Variants in IL3RA observed in about 807,000 individuals in gnomAD.
IL3RA encodes the protein interleukin-3 receptor subunit alpha.
IL3RA carries 73 observed loss-of-function variants against 52.3 expected under a neutral mutation model. The observed-to-expected ratio is 1.40, with a 90% CI of 1.16 to 1.70. The LOEUF (loss-of-function observed/expected upper bound fraction) is 1.70. Among genes scored for constraint, IL3RA ranks in the 40% most tolerant of loss-of-function variants. The pLI is 0.00. For missense variants in IL3RA, 664 were observed against 504.4 expected, an observed-to-expected ratio of 1.32 and a Z score of -3.03; for synonymous variants, 260 against 194.0, an observed-to-expected ratio of 1.34 and a Z score of -2.83.
rs1425171043 is a variant in IL3RA at position 1,367,758 on chromosome X, G to A, written c.874+2506G>A. On this transcript the variant is annotated intron_variant, in intron 9 of 11. Transcript: ENST00000331035. ...GAGCGGGGTGCGCGGGGTGAGCGGGGTGCGCCGGGTGAGCGGGGTGCGCGG... is the reference window on the plus strand; with the variant it reads ...GAGCGGGGTGCGCGGGGTGAGCGGGATGCGCCGGGTGAGCGGGGTGCGCGG... Among the ~76,000 whole-genome samples, 5 of 138,320 alleles carry A rather than the reference G, an allele frequency of 3.6e-5. No individual in the cohort carries two copies. In the East Asian group the frequency reaches 1.1e-3, roughly 31 times the overall value. 90.7% of individuals were successfully genotyped at this position (138,320 alleles called of 152,430 possible).
At chrX:1,378,629 G>C (rs747124142) in intron 9 of IL3RA, 30 bp from the exon 10 acceptor site, 1 of 1,595,448 alleles carries the variant, frequency 6.3e-7, no homozygotes, top group Admixed American at 1.7e-5. Context: ...ACGGCCCCCG[G>C]TCTGTGACCC....
chrX:1,360,377 T>G (rs2087152997), intron 8 of IL3RA, among the ~76,000 whole-genome samples: 1 of 151,418 alleles, frequency 6.6e-6, no homozygotes, highest in African/African-American at 2.4e-5. Context: ...TCTCTCTGCC[T>G]CTATCTCCCA....
Position 1,352,376 on chromosome X carries a change from T to A in IL3RA, c.486T>A (p.Arg162=). Reference sequence around the variant, plus strand: ...ACAAAACGGATGCTCAGGGAACACGTATCGGGTGTCGTTTCGATGACATCT... The same window carrying A: ...ACAAAACGGATGCTCAGGGAACACGAATCGGGTGTCGTTTCGATGACATCT... ...LHYKTDAQGT[R]IGCRFDDISR... Residue 162 remains arginine (R), a synonymous_variant, in exon 6 of 12, where the codon CGT becomes CGA. Coordinates refer to ENST00000331035, the MANE Select transcript of IL3RA (RefSeq NM_002183.4). 6.2e-7 allele frequency: 1 copy of A among 1,613,846 alleles called. No homozygotes were observed. The highest frequency in any genetic ancestry group is 1.7e-4 in the Middle Eastern group (1 of 6,056).
At position 1,356,287 on chromosome X, in the gene IL3RA, TG is replaced by T. The variant is rs1296843912; in HGVS notation, c.684del (p.Met228IlefsTer22). On this transcript the variant is annotated frameshift_variant, in exon 7 of 12. Coordinates refer to ENST00000331035, the MANE Select transcript of IL3RA (RefSeq NM_002183.4). LOFTEE classifies it high-confidence loss of function. The part of the protein sequence containing the change: ...NKTHSFMHWK[M>X]RSHFNRKFRY... ...ACACATTCCTTTATGCACTGGAAAA[TG>T]AGAAGTCATTTCAATCGCAAATTTC... 1 of 1,613,414 alleles carries T rather than the reference TG, an allele frequency of 6.2e-7. No homozygotes were observed. The highest frequency in any genetic ancestry group is 8.5e-7 in the Non-Finnish European group (1 of 1,179,750).
At chrX:1,349,187 C>CA in intron 4 of IL3RA, among the ~76,000 whole-genome samples, 1 of 139,802 alleles carries the variant, frequency 7.2e-6, no homozygotes, top group Non-Finnish European at 1.5e-5. Context: ...TTTTAAACAC[C>CA]TTTTTTTTTT....
chrX:1,348,034 C>A (rs1258697944), intron 3 of IL3RA, among the ~76,000 whole-genome samples: 1 of 81,140 alleles, frequency 1.2e-5, no homozygotes, highest in African/African-American at 4.4e-5. Context: ...GAGACTCCCT[C>A]TCAAAAAAAA....
At chrX:1,344,973 T>G (rs1195255849) in intron 2 of IL3RA, among the ~76,000 whole-genome samples, 2 of 140,782 alleles carry the variant, frequency 1.4e-5, no homozygotes, top group Non-Finnish European at 3.1e-5. Flanking sequence ...CCATCCTGGC[T>G]AACACGGTGA....
chrX:1,379,899 T>G (rs1193305833), intron 10 of IL3RA, among the ~76,000 whole-genome samples: 2 of 152,240 alleles, frequency 1.3e-5, no homozygotes, highest in Admixed American at 1.3e-4. Flanking sequence ...TAGCTGGGAT[T>G]ACAAGGATGT....
intron 8 of IL3RA, among the ~76,000 whole-genome samples, chrX:1,363,074 C>G (rs1302165628): frequency 1.3e-5 from 2 of 152,032 alleles, no homozygotes; most frequent in South Asian, 4.2e-4. Context: ...CCGCGCCCGG[C>G]CACGTCTCCT....
chrX:1,348,654 CTTTCTT>C lies in IL3RA; in HGVS notation c.298+111_298+116del, dbSNP rs1556618995. ...TTTTCTTTTCTTTTTCTCTTTCTTTCTTTCTTTCTTTCTTTCTTTCTTTCTTTCTTT... is the reference window on the plus strand; with the variant it reads ...TTTTCTTTTCTTTTTCTCTTTCTTTCTCTTTCTTTCTTTCTTTCTTTCTTT... On this transcript the variant is annotated intron_variant, in intron 4 of 11. Transcript: ENST00000331035. 3.7e-5 allele frequency: 15 copies of C among 406,516 alleles called. 2 individuals are homozygous for C. Among genetic ancestry groups the C allele is most frequent in the Admixed American group, 2.9e-4 (5 of 17,216 alleles). 25.2% of individuals were successfully genotyped at this position (406,516 alleles called of 1,614,324 possible). A position where few individuals can be genotyped will look rare whatever the true frequency, so the allele number is the denominator to read the frequency against.
At chrX:1,346,675 C>T (rs147642548) in intron 3 of IL3RA, among the ~76,000 whole-genome samples, 5,835 of 149,968 alleles carry the variant, frequency 0.039, 601 homozygotes, top group African/African-American at 0.14. Context: ...GTCCTCATCA[C>T]GAAATCCTTC....
intron 2 of IL3RA, among the ~76,000 whole-genome samples, chrX:1,343,064 G>A (rs1478216224): frequency 6.6e-6 from 1 of 151,836 alleles, no homozygotes; most frequent in Non-Finnish European, 1.5e-5. Flanking sequence ...GACAGAGTGA[G>A]ACTCCGTCTC....
chrX:1,338,907 C>T (rs1161579913), intron 1 of IL3RA, among the ~76,000 whole-genome samples: 1 of 152,144 alleles, frequency 6.6e-6, no homozygotes, highest in Non-Finnish European at 1.5e-5. Flanking sequence ...TCAAGCAATT[C>T]TCCTGCCTCA....
chrX:1,378,973 G>C (rs1277007575), intron 10 of IL3RA, among the ~76,000 whole-genome samples: 3 of 151,908 alleles, frequency 2.0e-5, no homozygotes, highest in East Asian at 3.9e-4. Context: ...CTCCCAAGTA[G>C]CTGGGATTAC....
At chrX:1,360,407 T>C (rs1298444262) in intron 8 of IL3RA, among the ~76,000 whole-genome samples, 4 of 151,586 alleles carry the variant, frequency 2.6e-5, no homozygotes, top group African/African-American at 9.7e-5. Flanking sequence ...TCTGTGTCTC[T>C]GTCTCTCCCT....
intron 9 of IL3RA, among the ~76,000 whole-genome samples, chrX:1,367,843 G>A (rs1291304913): frequency 4.0e-5 from 6 of 151,280 alleles, no homozygotes; most frequent in South Asian, 2.1e-4. Flanking sequence ...CGCCATCCTG[G>A]GTCACGGAAA....
chrX:1,359,485 C>G (rs2086997967), intron 8 of IL3RA, among the ~76,000 whole-genome samples: 1 of 151,658 alleles, frequency 6.6e-6, no homozygotes, highest in African/African-American at 2.4e-5. Flanking sequence ...CTCTTTCTCT[C>G]TCTCTCGTCT....
In IL3RA at chrX:1,337,947, G is replaced by C. The variant is rs58208928; in HGVS notation, c.-39+1021G>C. ...TGGAATATTATACAGCCATGAAAAG[G>C]AACAAGCAGCTTTATTCACAATAGC... On this transcript the variant is annotated intron_variant, in intron 1 of 11. Transcript: ENST00000331035. Among the ~76,000 whole-genome samples, 263 of 147,222 alleles carry C rather than the reference G, an allele frequency of 1.8e-3. 4 individuals carry two copies. Among genetic ancestry groups the C allele is most frequent in the African/African-American group, 6.4e-3 (254 of 39,414 alleles).
chrX:1,377,058 A>T (rs1394943949), intron 9 of IL3RA, among the ~76,000 whole-genome samples: 6 of 146,526 alleles, frequency 4.1e-5, no homozygotes, highest in African/African-American at 1.0e-4. Context: ...TCATAAGAAG[A>T]GGAGATGAGG....
Sources: allele counts gnomAD v4.1 joint callset (sites outside exome capture counted in the v4.1 genomes callset), GRCh38; gene constraint gnomAD v4.1.1; transcripts MANE v1.5; gene names NCBI Gene and HGNC (gene_info 2026-07-23, HGNC 2026-07-21).